Variants in NTRK3 observed in about 807,000 individuals in gnomAD.
The protein encoded by NTRK3 is NT-3 growth factor receptor.
A neutral mutation model predicts 91.7 loss-of-function variants in NTRK3; 24 were observed. That is an observed-to-expected ratio of 0.26 (90% CI 0.19 to 0.37). The LOEUF (loss-of-function observed/expected upper bound fraction) is 0.37. Among genes scored for constraint, NTRK3 ranks in the 10% least tolerant of loss-of-function variants. The pLI, the probability that NTRK3 is intolerant of heterozygous loss-of-function variation, is 1.00. For missense variants in NTRK3, 880 were observed against 1,068.9 expected, an observed-to-expected ratio of 0.82 and a Z score of 2.46; for synonymous variants, 483 against 404.0, an observed-to-expected ratio of 1.20 and a Z score of -2.34.
At chr15:88,179,300 T>C (rs1415298990) in intron 5 of NTRK3, among the ~76,000 whole-genome samples, 1 of 152,186 alleles carries the variant, frequency 6.6e-6, no homozygotes, top group Non-Finnish European at 1.5e-5. Context: ...AAACATTGCC[T>C]CTTCTGGCCC....
chr15:87,957,586 G>A (rs2071802132), intron 14 of NTRK3, among the ~76,000 whole-genome samples: 2 of 152,190 alleles, frequency 1.3e-5, no homozygotes, highest in African/African-American at 2.4e-5. Flanking sequence ...AAAAAAAGGA[G>A]CTCTTGGAAA....
chr15:88,160,404 G>A (rs2044339631), intron 5 of NTRK3, among the ~76,000 whole-genome samples: 1 of 152,206 alleles, frequency 6.6e-6, no homozygotes, highest in Admixed American at 6.5e-5. Context: ...GCCTGAGGTA[G>A]TGTCCTAGAG....
chr15:88,147,849 T>C (rs1176277998), intron 5 of NTRK3, among the ~76,000 whole-genome samples: 1 of 152,160 alleles, frequency 6.6e-6, no homozygotes, highest in East Asian at 1.9e-4. Flanking sequence ...CCAGTGTCTC[T>C]CCCAGCAAAC....
intron 14 of NTRK3, among the ~76,000 whole-genome samples, chr15:88,029,675 C>T (rs962040063): frequency 2.6e-5 from 4 of 152,310 alleles, no homozygotes; most frequent in African/African-American, 9.6e-5. Flanking sequence ...TCTTAACCTT[C>T]CTGGTTCTTG....
chr15:88,052,783 G>A (rs939510523), intron 13 of NTRK3, among the ~76,000 whole-genome samples: 3 of 152,176 alleles, frequency 2.0e-5, no homozygotes, highest in African/African-American at 7.2e-5. Flanking sequence ...TAGCACATAT[G>A]ACAGGCCAAG....
exon 19 of NTRK3, chr15:87,865,472 C>T (rs1467217841): frequency 4.7e-6 from 1 of 214,576 alleles, no homozygotes; most frequent in Non-Finnish European, 9.4e-6. Context: ...TTTGTTGGCA[C>T]TTGGGCCTAT....
intron 17 of NTRK3, among the ~76,000 whole-genome samples, chr15:87,922,758 C>T (rs2067981495): frequency 6.6e-6 from 1 of 152,174 alleles, no homozygotes; most frequent in Non-Finnish European, 1.5e-5. Context: ...TCCTTTACTA[C>T]CATGGATTTG....
At chr15:88,212,734 A>AT (rs373108682) in intron 3 of NTRK3, among the ~76,000 whole-genome samples, 1 of 137,282 alleles carries the variant, frequency 7.3e-6, no homozygotes, top group East Asian at 2.0e-4. Flanking sequence ...ACACACACAC[A>AT]CACACACACA....
intron 13 of NTRK3, among the ~76,000 whole-genome samples, chr15:88,053,144 C>G (rs906614263): frequency 6.6e-6 from 1 of 152,258 alleles, no homozygotes; most frequent in South Asian, 2.1e-4. Flanking sequence ...GGGAGGGCAA[C>G]AGAATGTGGA....
In NTRK3 at chr15:88,170,601, T is replaced by C. The variant is rs557989960; in HGVS notation, c.395+12817A>G. Among the ~76,000 whole-genome samples, 5 of 152,352 alleles carry C rather than the reference T, an allele frequency of 3.3e-5. No individual in the cohort carries two copies. In the South Asian group the frequency reaches 1.0e-3, roughly 32 times the overall value. ...AACAGAGAAAGAAGGAAGTCACCTG[T>C]GCACCATCTAAAGAGAACAGGTCTG... On this transcript the variant is annotated intron_variant, in intron 5 of 18. Transcript: ENST00000394480.
chr15:88,140,292 G>T (rs145418732), intron 6 of NTRK3, among the ~76,000 whole-genome samples: 25 of 152,286 alleles, frequency 1.6e-4, no homozygotes, highest in Non-Finnish European at 3.5e-4. Context: ...GGGTCAACAC[G>T]TACAGTTGTG....
At chr15:88,105,098 G>C (rs2050561815) in intron 13 of NTRK3, among the ~76,000 whole-genome samples, 2 of 152,166 alleles carry the variant, frequency 1.3e-5, no homozygotes, top group Non-Finnish European at 2.9e-5. Flanking sequence ...CTTCCCAAAT[G>C]ACTAGAAAGT....
In NTRK3 at chr15:87,930,964, C is replaced by A. The variant is rs77536061; in HGVS notation, c.1890-1530G>T. 3.0e-3 allele frequency: 833 copies of A among 274,790 alleles called. 6 individuals are homozygous for A. The highest frequency in any genetic ancestry group is 0.018 in the African/African-American group (793 of 44,366). The allele number at this position is 274,790 out of a possible 1,614,324, so 17.0% of individuals were successfully genotyped here. A position where few individuals can be genotyped will look rare whatever the true frequency, so the allele number is the denominator to read the frequency against. On this transcript the variant is annotated intron_variant, in intron 16 of 18. Coordinates refer to ENST00000394480, the Ensembl canonical transcript of NTRK3. ...GCAAGTCCTTGTAGAACTGTACTCACAGGCATGCATTCCCCATGCTGTCTG... is the reference window on the plus strand; with the variant it reads ...GCAAGTCCTTGTAGAACTGTACTCAAAGGCATGCATTCCCCATGCTGTCTG...
chr15:87,971,592 T>C (rs2073256004), intron 14 of NTRK3, among the ~76,000 whole-genome samples: 1 of 152,244 alleles, frequency 6.6e-6, no homozygotes, highest in African/African-American at 2.4e-5. Flanking sequence ...TCTGACCCAG[T>C]GCTGAGAAAG....
At chr15:88,221,703 A>G (rs1442674562) in intron 3 of NTRK3, among the ~76,000 whole-genome samples, 1 of 152,208 alleles carries the variant, frequency 6.6e-6, no homozygotes, top group Non-Finnish European at 1.5e-5. Flanking sequence ...ACCCCTTAAC[A>G]GAGAGTGCAG....
intron 10 of NTRK3, among the ~76,000 whole-genome samples, chr15:88,128,951 G>A (rs1007556505): frequency 1.3e-5 from 2 of 152,150 alleles, no homozygotes; most frequent in Non-Finnish European, 2.9e-5. Flanking sequence ...GAGAGATAAA[G>A]TTCCTGGTTT....
At chr15:88,118,324 T>G (rs1053687522) in intron 13 of NTRK3, among the ~76,000 whole-genome samples, 6 of 152,130 alleles carry the variant, frequency 3.9e-5, no homozygotes, top group Admixed American at 2.6e-4. Context: ...AAGTGAAAGC[T>G]TCCAAGACCC....
chr15:87,883,179 C>T (rs961547452), intron 17 of NTRK3, among the ~76,000 whole-genome samples: 5 of 150,364 alleles, frequency 3.3e-5, no homozygotes, highest in South Asian at 2.1e-4. Flanking sequence ...GTGATTTACA[C>T]GTTGTCTGTT....
At chr15:88,082,152 C>A (rs571469515) in intron 13 of NTRK3, among the ~76,000 whole-genome samples, 71 of 152,122 alleles carry the variant, frequency 4.7e-4, no homozygotes, top group African/African-American at 1.7e-3. Context: ...GTGGCGCACA[C>A]CTGTAGTCCC....
Sources: allele counts gnomAD v4.1 joint callset (sites outside exome capture counted in the v4.1 genomes callset), GRCh38; gene constraint gnomAD v4.1.1; transcripts MANE v1.5; gene names NCBI Gene and HGNC (gene_info 2026-07-23, HGNC 2026-07-21).